The following KCNIP4 variants were observed in gnomAD, a reference collection of about 807,000 sequenced individuals.
KCNIP4 encodes the protein potassium voltage-gated channel interacting protein 4.
In KCNIP4, 12 loss-of-function variants were observed where a neutral mutation model predicts 34.0. That is an observed-to-expected ratio of 0.35 (90% CI 0.23 to 0.57). The LOEUF (loss-of-function observed/expected upper bound fraction) is 0.57. Among genes scored for constraint, KCNIP4 ranks in the 20% least tolerant of loss-of-function variants. The pLI, the probability that KCNIP4 is intolerant of heterozygous loss-of-function variation, is 0.83. For synonymous variants in KCNIP4, 124 were observed against 102.2 expected (o/e 1.21, Z -1.29); for missense variants, 238 against 311.7 (o/e 0.76, Z 1.78).
At chr4:21,536,852 C>T (rs16871330) in intron 1 of KCNIP4, among the ~76,000 whole-genome samples, 3,493 of 151,732 alleles carry the variant, frequency 0.023, 114 homozygotes, top group African/African-American at 0.077. Context: ...GCAAACAAAA[C>T]GAACAGTGGA....
At chr4:21,694,914 C>CAAAAAAAAAAAAA (rs368053041) in intron 1 of KCNIP4, among the ~76,000 whole-genome samples, 14 of 46,480 alleles carry the variant, frequency 3.0e-4, no homozygotes, top group African/African-American at 9.2e-4. Flanking sequence ...CACGATTGAC[C>CAAAAAAAAAAAAA]AAAAAAAAAA....
chr4:21,341,076 G>C (rs1716717283), intron 1 of KCNIP4, among the ~76,000 whole-genome samples: 2 of 152,038 alleles, frequency 1.3e-5, no homozygotes, highest in African/African-American at 4.8e-5. Context: ...CACAGCGGAA[G>C]GAAAGCTATA....
intron 1 of KCNIP4, among the ~76,000 whole-genome samples, chr4:21,611,015 G>T (rs1251239657): frequency 6.6e-6 from 1 of 151,818 alleles, no homozygotes; most frequent in Non-Finnish European, 1.5e-5. Context: ...TCTCCTCCCT[G>T]TGTCCATGTG....
intron 1 of KCNIP4, among the ~76,000 whole-genome samples, chr4:21,110,459 A>C (rs1326519819): frequency 6.6e-6 from 1 of 152,242 alleles, no homozygotes; most frequent in Non-Finnish European, 1.5e-5. Context: ...AATCTATGGG[A>C]GTCATCGTGT....
chr4:20,951,278 T>C (rs1732764282), intron 1 of KCNIP4, among the ~76,000 whole-genome samples: 1 of 152,126 alleles, frequency 6.6e-6, no homozygotes, highest in Non-Finnish European at 1.5e-5. Flanking sequence ...TCCAGAACTG[T>C]GAAAAATAAG....
intron 5 of KCNIP4, among the ~76,000 whole-genome samples, chr4:20,742,290 C>T (rs1043682511): frequency 1.3e-5 from 2 of 152,194 alleles, no homozygotes; most frequent in Non-Finnish European, 2.9e-5. Context: ...ACCAATATCC[C>T]TGCTGAACAT....
intron 1 of KCNIP4, among the ~76,000 whole-genome samples, chr4:21,671,657 G>A (rs1255660829): frequency 6.6e-6 from 1 of 152,052 alleles, no homozygotes; most frequent in African/African-American, 2.4e-5. Flanking sequence ...TTGATTGATG[G>A]AGCCCCTATT....
chr4:21,588,672 A>AT (rs1741850490), intron 1 of KCNIP4, among the ~76,000 whole-genome samples: 1 of 151,886 alleles, frequency 6.6e-6, no homozygotes, highest in African/African-American at 2.4e-5. Context: ...CTCTAAAAAA[A>AT]TTAGCTGGTA....
intron 1 of KCNIP4, among the ~76,000 whole-genome samples, chr4:21,605,553 T>C (rs893212826): frequency 1.3e-5 from 2 of 152,124 alleles, no homozygotes; most frequent in Non-Finnish European, 2.9e-5. Context: ...TGATCTCGGC[T>C]CATTGCAACC....
rs1331282024 is a variant in KCNIP4, at chr4:21,757,306, G to C, written c.61+191265C>G. Among the ~76,000 whole-genome samples, 3 of 150,956 alleles carry C rather than the reference G, an allele frequency of 2.0e-5. No individual in the cohort carries two copies. In the East Asian group the frequency reaches 5.8e-4, roughly 29 times the overall value. The stretch of plus-strand genomic sequence containing the variant: ...AGAAAAGAGAAAAGAAAAGAAAAGA[G>C]AAAAGAAAGAAAGAAACTATCATAA... On this transcript the variant is annotated intron_variant, in intron 1 of 8. Coordinates refer to ENST00000382152, the MANE Select transcript of KCNIP4 (RefSeq NM_025221.6).
intron 1 of KCNIP4, among the ~76,000 whole-genome samples, chr4:21,546,769 C>T (rs1283868472): frequency 2.6e-5 from 4 of 151,944 alleles, no homozygotes; most frequent in African/African-American, 7.3e-5. Context: ...ATTAACATAT[C>T]ATTATAATGT....
At chr4:21,149,406 T>A (rs1752605273) in intron 1 of KCNIP4, among the ~76,000 whole-genome samples, 1 of 152,084 alleles carries the variant, frequency 6.6e-6, no homozygotes, top group African/African-American at 2.4e-5. Context: ...TTAAATTGAA[T>A]CCTGAGAGAT....
chr4:21,044,964 A>C (rs926914511), intron 1 of KCNIP4, among the ~76,000 whole-genome samples: 1 of 152,222 alleles, frequency 6.6e-6, no homozygotes, highest in Admixed American at 6.5e-5. Flanking sequence ...GTTTGTAGTA[A>C]GGATAAATGA....
intron 1 of KCNIP4, among the ~76,000 whole-genome samples, chr4:21,337,624 C>A (rs968208999): frequency 2.0e-5 from 3 of 152,054 alleles, no homozygotes; most frequent in Non-Finnish European, 2.9e-5. Context: ...GTACAAACTT[C>A]TTTTTTTATT....
intron 1 of KCNIP4, among the ~76,000 whole-genome samples, chr4:21,738,567 T>C (rs1260872933): frequency 6.6e-6 from 1 of 152,220 alleles, no homozygotes; most frequent in East Asian, 1.9e-4. Context: ...TTTGATAAAT[T>C]AAGAATGTAT....
At chr4:20,744,575 C>T (rs1343210656) in intron 5 of KCNIP4, among the ~76,000 whole-genome samples, 1 of 151,424 alleles carries the variant, frequency 6.6e-6, no homozygotes, top group African/African-American at 2.4e-5. Flanking sequence ...AATGAGAACA[C>T]TTGGACATAG....
chr4:21,768,942 T>C (rs1718600781), intron 1 of KCNIP4, among the ~76,000 whole-genome samples: 1 of 152,144 alleles, frequency 6.6e-6, no homozygotes, highest in Admixed American at 6.6e-5. Context: ...GGAATTTTTT[T>C]CAATTTTTTT....
intron 1 of KCNIP4, among the ~76,000 whole-genome samples, chr4:21,633,578 TAAC>T (rs1273461085): frequency 1.3e-5 from 2 of 152,156 alleles, no homozygotes; most frequent in Non-Finnish European, 1.5e-5. Flanking sequence ...TGTGGAAAGT[TAAC>T]AACAAGGCAG....
At chr4:20,904,931 G>A (rs561715423) in intron 1 of KCNIP4, among the ~76,000 whole-genome samples, 1 of 152,270 alleles carries the variant, frequency 6.6e-6, no homozygotes, top group East Asian at 1.9e-4. Flanking sequence ...AGGCATGGGA[G>A]TAGGAATAGG....
Sources: gnomAD v4.1 joint callset for allele counts (sites outside exome capture counted in the v4.1 genomes callset) on GRCh38, gnomAD v4.1.1 for gene constraint, MANE v1.5 for transcripts, NCBI Gene and HGNC (gene_info 2026-07-23, HGNC 2026-07-21) for gene names.